AFG2A: variants seen among roughly 807,000 people sequenced by gnomAD.
The protein encoded by AFG2A is AAA ATPase AFG2A.
the AFG2A span, among the ~76,000 whole-genome samples, chr4:122,983,328 G>T: frequency 1.3e-5 from 2 of 151,630 alleles, no homozygotes; most frequent in Non-Finnish European, 2.9e-5. Flanking sequence ...CTGATCTTTA[G>T]TATTTCCTTC....
chr4:123,308,623 C>T, the AFG2A span, among the ~76,000 whole-genome samples: 1 of 152,212 alleles, frequency 6.6e-6, no homozygotes, highest in African/African-American at 2.4e-5. Flanking sequence ...ACCACCCGCA[C>T]TCCTCCGCCC....
chr4:123,289,051 G>A, the AFG2A span, among the ~76,000 whole-genome samples: 5 of 152,138 alleles, frequency 3.3e-5, no homozygotes, highest in African/African-American at 1.2e-4. Context: ...GGGTACAAGT[G>A]GTTTTTGGTT....
chr4:123,306,452 G>A, the AFG2A span, among the ~76,000 whole-genome samples: 1 of 152,038 alleles, frequency 6.6e-6, no homozygotes, highest in East Asian at 1.9e-4. Context: ...GGCCCACTCT[G>A]CTATTTTTTT....
At chr4:123,255,509 A>G in the AFG2A span, among the ~76,000 whole-genome samples, 1 of 151,716 alleles carries the variant, frequency 6.6e-6, no homozygotes, top group African/African-American at 2.4e-5. Context: ...AGAAAAAAAA[A>G]AAAACACCAA....
chr4:123,303,896 A>G, the AFG2A span, among the ~76,000 whole-genome samples: 2 of 149,998 alleles, frequency 1.3e-5, no homozygotes, highest in African/African-American at 4.9e-5. Context: ...GGCATCCTAG[A>G]TTGTATGACT....
At chr4:123,204,279 A>G in the AFG2A span, among the ~76,000 whole-genome samples, 1 of 152,166 alleles carries the variant, frequency 6.6e-6, no homozygotes, top group Non-Finnish European at 1.5e-5. Flanking sequence ...TGATAAATTC[A>G]TGTTTAGTTC....
the AFG2A span, among the ~76,000 whole-genome samples, chr4:123,232,415 G>A: frequency 0.51 from 77,949 of 151,894 alleles, 24,604 homozygotes; most frequent in Non-Finnish European, 0.67. Context: ...TAAGAACAAA[G>A]GTGTAGTTCA....
At chr4:123,176,116 A>C in the AFG2A span, among the ~76,000 whole-genome samples, 1 of 152,314 alleles carries the variant, frequency 6.6e-6, no homozygotes, top group East Asian at 1.9e-4. Context: ...AATTGAGTGA[A>C]GCTAATGGTG....
the AFG2A span, among the ~76,000 whole-genome samples, chr4:123,095,081 G>GTGTA: frequency 4.1e-5 from 2 of 48,378 alleles, no homozygotes; most frequent in Non-Finnish European, 1.2e-4. Flanking sequence ...GTGTGTGTGT[G>GTGTA]TATATATATA....
At chr4:122,926,256 T>C in the AFG2A span, among the ~76,000 whole-genome samples, 2 of 152,100 alleles carry the variant, frequency 1.3e-5, no homozygotes. Flanking sequence ...AGAACACTTG[T>C]GTGGTAATTG....
At chr4:123,243,409 A>G in the AFG2A span, among the ~76,000 whole-genome samples, 1 of 152,316 alleles carries the variant, frequency 6.6e-6, no homozygotes, top group Non-Finnish European at 1.5e-5. Flanking sequence ...ATGGAATACT[A>G]TGCAGCCATA....
chr4:123,055,895 T>C, the AFG2A span, among the ~76,000 whole-genome samples: 1 of 152,236 alleles, frequency 6.6e-6, no homozygotes, highest in Non-Finnish European at 1.5e-5. Context: ...AGAGTAGATA[T>C]GTATGTGGTA....
At chr4:123,015,833 G>A in the AFG2A span, among the ~76,000 whole-genome samples, 1,530 of 46,782 alleles carry the variant, frequency 0.033, 87 homozygotes, top group African/African-American at 0.077. Context: ...CCTCCCTCCC[G>A]GATGGGGCGG....
At chr4:123,228,655 G>A in the AFG2A span, among the ~76,000 whole-genome samples, 9 of 151,958 alleles carry the variant, frequency 5.9e-5, no homozygotes, top group East Asian at 3.9e-4. Context: ...ACAGCAACCC[G>A]GAGAGGCAAC....
chr4:123,204,991 T>C, the AFG2A span, among the ~76,000 whole-genome samples: 1 of 152,344 alleles, frequency 6.6e-6, no homozygotes, highest in Middle Eastern at 3.4e-3. Context: ...GAGTGGGTAG[T>C]TAAATATTTA....
the AFG2A span, among the ~76,000 whole-genome samples, chr4:123,137,414 G>A: frequency 2.0e-5 from 3 of 152,126 alleles, no homozygotes; most frequent in Non-Finnish European, 4.4e-5. Flanking sequence ...CTGTGTTGAA[G>A]CTCTATTCTT....
chr4:122,977,151 G>A, the AFG2A span, among the ~76,000 whole-genome samples: 1 of 152,300 alleles, frequency 6.6e-6, no homozygotes, highest in East Asian at 1.9e-4. Context: ...TCCTTAGGGT[G>A]TCACTTTTCC....
the AFG2A span, among the ~76,000 whole-genome samples, chr4:122,941,939 T>G: frequency 6.6e-6 from 1 of 151,742 alleles, no homozygotes; most frequent in African/African-American, 2.4e-5. Flanking sequence ...TTACATTTAT[T>G]GATTTGCATA....
At chr4:123,235,860 C>T in the AFG2A span, among the ~76,000 whole-genome samples, 13 of 152,202 alleles carry the variant, frequency 8.5e-5, no homozygotes, top group Admixed American at 2.6e-4. Context: ...GTTACCTCCA[C>T]GGAAGTGAGG....
Sources: allele counts gnomAD v4.1 joint callset (sites outside exome capture counted in the v4.1 genomes callset), GRCh38; gene constraint gnomAD v4.1.1; transcripts MANE v1.5; gene names NCBI Gene and HGNC (gene_info 2026-07-23, HGNC 2026-07-21).